Variants in ABCC2 observed in about 807,000 individuals in gnomAD.
ABCC2 encodes the protein ATP binding cassette subfamily C member 2.
A neutral mutation model predicts 173.4 loss-of-function variants in ABCC2; 157 were observed. The ratio of observed to expected loss-of-function variants is 0.91; its 90% confidence interval spans 0.80 to 1.03. The LOEUF (loss-of-function observed/expected upper bound fraction) is 1.03, where lower values mean the gene tolerates loss of function less well. ABCC2 is among the 50% of genes least tolerant of loss of function. ABCC2 has a pLI of 0.00. For synonymous variants in ABCC2, 657 were observed against 693.5 expected, an observed-to-expected ratio of 0.95 and a Z score of 0.83; for missense variants, 1,822 against 1,852.3, an observed-to-expected ratio of 0.98 and a Z score of 0.30.
chr10:99,799,170 T>G, intron 7 of ABCC2, 37 bp from the exon 8 acceptor site: 9 of 1,612,918 alleles, frequency 5.6e-6, no homozygotes, highest in Non-Finnish European at 7.6e-6. Flanking sequence ...GTAACAGACA[T>G]AACTCTGTGG....
At chr10:99,814,229 ATG>A (rs35388339) in intron 16 of ABCC2, among the ~76,000 whole-genome samples, 946 of 31,024 alleles carry the variant, frequency 0.03, 230 homozygotes, top group African/African-American at 0.11. Context: ...ATATACACAC[ATG>A]TGTATATATG....
chr10:99,787,123 G>A (rs1459659571), intron 2 of ABCC2, among the ~76,000 whole-genome samples: 4 of 149,950 alleles, frequency 2.7e-5, no homozygotes, highest in Non-Finnish European at 5.9e-5. Context: ...AGCCAAGATC[G>A]TGCCACTGCA....
At position 99,800,570 on chromosome 10, in the gene ABCC2, A is replaced by G; in HGVS notation, c.1209+7A>G. On this transcript the variant is annotated splice_region_variant and intron_variant, in intron 9 of 31. Transcript: ENST00000647814. ...GGCTTCTGTATATAAGAAGGTAAGC[A>G]GAATACGGCAGGTATCACCAAAGAA... The G allele has an allele frequency of 6.2e-7, 1 of 1,614,134 alleles. No homozygotes were observed. The highest frequency in any genetic ancestry group is 1.3e-5 in the African/African-American group (1 of 75,058).
intron 27 of ABCC2, among the ~76,000 whole-genome samples, 153 bp downstream of exon 27, chr10:99,844,053 A>G (rs1270660240): frequency 6.6e-6 from 1 of 152,212 alleles, no homozygotes; most frequent in Non-Finnish European, 1.5e-5. Context: ...AATTTCTTCA[A>G]ACTTAGAATA....
rs1389235592 is a variant in ABCC2, at chr10:99,799,251, T to C, written c.912T>C (p.Asp304=). 5 of 1,614,046 alleles carry C rather than the reference T, an allele frequency of 3.1e-6. No individual in the cohort carries two copies. The South Asian group carries it at 3.3e-5, about 11-fold the overall frequency. ...KKKKKSGTKK[D]VPKSWLMKAL... ...AAAAGAAGTCTGGGACCAAAAAAGATGTTCCAAAATCCTGGTTGATGAAGG... is the reference window on the plus strand; with the variant it reads ...AAAAGAAGTCTGGGACCAAAAAAGACGTTCCAAAATCCTGGTTGATGAAGG... The change falls in exon 8 of 32, where the codon GAT becomes GAC. Residue 304 remains aspartate, a synonymous_variant. Transcript: ENST00000647814.
At chr10:99,831,457 C>T (rs766793983) in intron 21 of ABCC2, among the ~76,000 whole-genome samples, 154 bp from the exon 22 acceptor site, 3 of 152,218 alleles carry the variant, frequency 2.0e-5, no homozygotes, top group African/African-American at 7.2e-5. Context: ...CTTCCTGGCA[C>T]AGTGCAGAAA....
At chr10:99,828,231 C>T (rs904492886) in intron 19 of ABCC2, among the ~76,000 whole-genome samples, 4 of 151,942 alleles carry the variant, frequency 2.6e-5, no homozygotes, top group South Asian at 2.1e-4. Context: ...AAAACATCCC[C>T]GTAAGCCCTT....
At chr10:99,786,063 G>A (rs931164652) in intron 2 of ABCC2, among the ~76,000 whole-genome samples, 4 of 152,116 alleles carry the variant, frequency 2.6e-5, no homozygotes, top group Non-Finnish European at 2.9e-5. Context: ...GTTGACCTGA[G>A]TGCCCATCAC....
At chr10:99,840,352 C>T (rs1438551017) in intron 25 of ABCC2, among the ~76,000 whole-genome samples, 4 of 144,536 alleles carry the variant, frequency 2.8e-5, no homozygotes, top group African/African-American at 4.9e-5. Context: ...CGCACTGCCC[C>T]GGGCCGCAGC....
chr10:99,820,615 A>T (rs1453891352), intron 19 of ABCC2, among the ~76,000 whole-genome samples: 1 of 152,148 alleles, frequency 6.6e-6, no homozygotes, highest in Non-Finnish European at 1.5e-5. Flanking sequence ...CAGAAGAAAA[A>T]TCTAAATCAG....
chr10:99,797,896 G>A (rs2037946968), intron 7 of ABCC2: 1 of 164,134 alleles, frequency 6.1e-6, no homozygotes, highest in African/African-American at 2.4e-5. Context: ...GATGAGATCA[G>A]GCCCTCTGAG....
intron 5 of ABCC2, among the ~76,000 whole-genome samples, chr10:99,794,211 A>G (rs567227757): frequency 3.3e-5 from 5 of 152,292 alleles, no homozygotes; most frequent in South Asian, 4.1e-4. Flanking sequence ...ATTCATTCAT[A>G]TATCTATGCC....
Position 99,850,777 on chromosome 10 carries a change from A to G in ABCC2, c.4489A>G (p.Thr1497Ala). The change falls in exon 31 of 32, where the codon ACC (threonine) becomes GCC (alanine). Residue 1497 changes from threonine (T) to alanine (A), a missense_variant. Thr to Ala is a moderately conservative substitution (Grantham distance 58, BLOSUM62 0). Transcript: ENST00000647814. ...TVITIAHRLHTIMDSDKVMVL... is the reference protein window; with the variant it reads ...TVITIAHRLHAIMDSDKVMVL... The stretch of plus-strand genomic sequence containing the variant: ...GATCACCATCGCCCACAGGCTGCAC[A>G]CCATCATGGACAGTGACAAGTGAGT... 6.2e-7 allele frequency: 1 copy of G among 1,614,182 alleles called. No homozygotes were observed. The highest frequency in any genetic ancestry group is 8.5e-7 in the Non-Finnish European group (1 of 1,180,024).
At position 99,792,325 on chromosome 10, in the gene ABCC2, G is replaced by A. The variant is rs547716861; in HGVS notation, c.299G>A (p.Arg100Gln). The A allele has an allele frequency of 1.7e-5, 28 of 1,614,092 alleles. No homozygotes were observed. Among genetic ancestry groups the A allele is most frequent in the South Asian group, 1.2e-4 (11 of 91,078 alleles). The part of the protein sequence containing the change: ...DSGQATVPAV[R>Q]YTNPSLYLGT... ...GGACAAGCCACAGTCCCTGCTGTTC[G>A]ATATACCAATCCAAGCCTCTACCTA... The change falls in exon 3 of 32, where the codon CGA (arginine) becomes CAA (glutamine). Residue 100 changes from arginine (R) to glutamine (Q), a missense_variant. Transcript: ENST00000647814.
Position 99,840,836 on chromosome 10 carries a change from C to T in ABCC2, c.3615-1131C>T, listed in dbSNP as rs1427512799. On this transcript the variant is annotated intron_variant, in intron 25 of 31. Coordinates refer to ENST00000647814, the MANE Select transcript of ABCC2 (RefSeq NM_000392.5). The stretch of plus-strand genomic sequence containing the variant: ...AGCCACCTGTGAGCTTTCTTTTCCT[C>T]CTCCATCTCTGGTCCTGACCCCTCA... Among the ~76,000 whole-genome samples, 3 of 152,118 alleles carry T rather than the reference C, an allele frequency of 2.0e-5. No individual in the cohort carries two copies. The East Asian group carries it at 5.8e-4, about 30-fold the overall frequency.
intron 30 of ABCC2, 53 bp from the exon 31 acceptor site, chr10:99,850,549 C>A: frequency 6.3e-7 from 1 of 1,575,268 alleles, no homozygotes; most frequent in Non-Finnish European, 8.7e-7. Flanking sequence ...CCCTGCCCTG[C>A]GTCTTTCCTT....
chr10:99,804,418 C>G, intron 10 of ABCC2, 145 bp downstream of exon 10: 1 of 1,092,622 alleles, frequency 9.2e-7, no homozygotes, highest in Non-Finnish European at 1.3e-6. Flanking sequence ...TTAGCTGTCT[C>G]TGAGTTCCCT....
rs1162252740 is a variant in ABCC2 at position 99,830,444 on chromosome 10, T to G, written c.2747+11T>G. ...AACACTTAGCCGCAGGTTGGCTATCTATTCAGCTGGCAGCCCTCGTCAGCT... is the reference window on the plus strand; with the variant it reads ...AACACTTAGCCGCAGGTTGGCTATCGATTCAGCTGGCAGCCCTCGTCAGCT... On this transcript the variant is annotated intron_variant, in intron 20 of 31. Coordinates refer to ENST00000647814, the MANE Select transcript of ABCC2 (RefSeq NM_000392.5). 6.2e-7 allele frequency: 1 copy of G among 1,614,088 alleles called. No individual in the cohort carries two copies. The highest frequency in any genetic ancestry group is 8.5e-7 in the Non-Finnish European group (1 of 1,180,040).
At chr10:99,809,406 G>A (rs2038170869) in intron 13 of ABCC2, among the ~76,000 whole-genome samples, 1 of 152,168 alleles carries the variant, frequency 6.6e-6, no homozygotes, top group Non-Finnish European at 1.5e-5. Flanking sequence ...TGCAATGTGA[G>A]CAGTGGGGTA....
Sources: gnomAD v4.1 joint callset for allele counts (sites outside exome capture counted in the v4.1 genomes callset) on GRCh38, gnomAD v4.1.1 for gene constraint, MANE v1.5 for transcripts, NCBI Gene and HGNC (gene_info 2026-07-23, HGNC 2026-07-21) for gene names.